Variants in ARHGAP26 observed in about 807,000 individuals in gnomAD.
The protein encoded by ARHGAP26 is rho GTPase-activating protein 26.
In ARHGAP26, 38 loss-of-function variants were observed where a neutral mutation model predicts 104.8. The ratio of observed to expected loss-of-function variants is 0.36; its 90% CI spans 0.28 to 0.48. ARHGAP26 has a LOEUF of 0.48. ARHGAP26 is among the 20% of genes least tolerant of loss of function. The pLI is 0.99. For missense variants in ARHGAP26, 704 were observed against 947.9 expected (o/e 0.74, Z 3.38); for synonymous variants, 341 against 340.0 (o/e 1.00, Z -0.03).
At chr5:143,039,507 T>C (rs1023517030) in intron 13 of ARHGAP26, among the ~76,000 whole-genome samples, 6 of 150,600 alleles carry the variant, frequency 4.0e-5, no homozygotes, top group Non-Finnish European at 7.4e-5. Flanking sequence ...GTGCACGGTC[T>C]AACTTTCAAC....
chr5:143,184,965 G>A (rs1804922885), intron 20 of ARHGAP26, among the ~76,000 whole-genome samples: 1 of 152,160 alleles, frequency 6.6e-6, no homozygotes, highest in African/African-American at 2.4e-5. Flanking sequence ...TTTATCAGAA[G>A]GAATTAATGA....
intron 14 of ARHGAP26, 89 bp downstream of exon 14, chr5:143,041,979 T>A: frequency 8.7e-7 from 1 of 1,148,944 alleles, no homozygotes; most frequent in Non-Finnish European, 1.3e-6. Flanking sequence ...ATACAGCCTG[T>A]GGCAAAGGAA....
At chr5:142,954,472 T>G (rs1328896248) in intron 11 of ARHGAP26, among the ~76,000 whole-genome samples, 1 of 152,238 alleles carries the variant, frequency 6.6e-6, no homozygotes, top group Non-Finnish European at 1.5e-5. Flanking sequence ...TCAACTCTTC[T>G]GGAGTCATTC....
chr5:143,170,857 C>T (rs1274120656), intron 20 of ARHGAP26, among the ~76,000 whole-genome samples: 1 of 152,064 alleles, frequency 6.6e-6, no homozygotes, highest in East Asian at 1.9e-4. Flanking sequence ...GGGAAAGAGA[C>T]TGAAGCAGCC....
chr5:143,115,174 A>C (rs1019037016), intron 17 of ARHGAP26, among the ~76,000 whole-genome samples: 3 of 152,010 alleles, frequency 2.0e-5, no homozygotes, highest in Non-Finnish European at 2.9e-5. Flanking sequence ...CTCTGCTAAA[A>C]ATACAAAAGT....
At chr5:142,959,306 C>T (rs1004451428) in intron 11 of ARHGAP26, among the ~76,000 whole-genome samples, 2 of 152,196 alleles carry the variant, frequency 1.3e-5, no homozygotes, top group East Asian at 1.9e-4. Context: ...TAACCAGCCA[C>T]CACAAAATGA....
chr5:143,029,609 A>G (rs776041385), intron 12 of ARHGAP26, among the ~76,000 whole-genome samples: 13 of 151,538 alleles, frequency 8.6e-5, no homozygotes, highest in Non-Finnish European at 1.8e-4. Flanking sequence ...AGGTTTCACC[A>G]TGTTGCCCAG....
chr5:143,091,073 G>C (rs1244953374), intron 17 of ARHGAP26, among the ~76,000 whole-genome samples: 1 of 152,226 alleles, frequency 6.6e-6, no homozygotes, highest in African/African-American at 2.4e-5. Context: ...AAAGAAAAAA[G>C]AGTAATAGAA....
intron 17 of ARHGAP26, among the ~76,000 whole-genome samples, chr5:143,066,872 A>G (rs1168991519): frequency 6.6e-6 from 1 of 152,320 alleles, no homozygotes. Flanking sequence ...AGAGCTGTTC[A>G]TATCTGGTTT....
At chr5:142,804,976 G>A (rs1485364376) in intron 1 of ARHGAP26, among the ~76,000 whole-genome samples, 1 of 152,042 alleles carries the variant, frequency 6.6e-6, no homozygotes, top group Non-Finnish European at 1.5e-5. Flanking sequence ...CTTTCACTTA[G>A]CATAATGTTT....
At chr5:143,155,646 G>A (rs2151028184) in intron 20 of ARHGAP26, among the ~76,000 whole-genome samples, 1 of 152,326 alleles carries the variant, frequency 6.6e-6, no homozygotes, top group East Asian at 1.9e-4. Context: ...AGGGGGTATG[G>A]GAGGAGGTAA....
At chr5:142,879,499 A>C in intron 4 of ARHGAP26, 54 bp downstream of exon 4, 2 of 1,451,930 alleles carry the variant, frequency 1.4e-6, no homozygotes, top group Non-Finnish European at 1.9e-6. Flanking sequence ...TCTGGAAAAC[A>C]TAGCACCTTT....
At chr5:143,141,930 G>A in intron 19 of ARHGAP26, among the ~76,000 whole-genome samples, 1 of 152,092 alleles carries the variant, frequency 6.6e-6, no homozygotes, top group East Asian at 1.9e-4. Flanking sequence ...CACCCACAGT[G>A]ACTTCCCCAT....
At chr5:142,815,633 A>C (rs1483374165) in intron 1 of ARHGAP26, among the ~76,000 whole-genome samples, 1 of 152,174 alleles carries the variant, frequency 6.6e-6, no homozygotes, top group Non-Finnish European at 1.5e-5. Context: ...TGCAGTCTCC[A>C]ACCACACTGG....
chr5:143,180,359 C>T (rs1249991869), intron 20 of ARHGAP26, among the ~76,000 whole-genome samples: 3 of 151,984 alleles, frequency 2.0e-5, no homozygotes, highest in Admixed American at 6.6e-5. Context: ...CTCTTGACCT[C>T]GTGATCTGCC....
chr5:142,984,882 G>A (rs553852429), intron 11 of ARHGAP26, among the ~76,000 whole-genome samples: 51 of 152,018 alleles, frequency 3.4e-4, no homozygotes, highest in Non-Finnish European at 6.5e-4. Context: ...ACTACAGTCT[G>A]CTTTTTATTG....
chr5:143,102,664 G>A (rs145966339), intron 17 of ARHGAP26, among the ~76,000 whole-genome samples: 2 of 152,350 alleles, frequency 1.3e-5, no homozygotes, highest in East Asian at 3.9e-4. Context: ...CACAGCTCAT[G>A]AAATACCAGA....
rs1211638930 is a variant in ARHGAP26 at position 143,207,461 on chromosome 5, A to G, written c.2099+153A>G. 3 of 1,613,952 alleles carry G rather than the reference A, an allele frequency of 1.9e-6. No homozygotes were observed. Among genetic ancestry groups the G allele is most frequent in the South Asian group, 1.1e-5 (1 of 91,080 alleles). On this transcript the variant is annotated intron_variant, in intron 21 of 22. Transcript: ENST00000645722. ...TTTGACAGGCCAGAAGAAGCGGTAC[A>G]TGAAGACTCCAGGTAAAATCTCGGA... is the stretch of plus-strand genomic sequence containing the variant.
chr5:143,012,552 C>CGTATATATATATAT (rs1554195630), intron 11 of ARHGAP26, among the ~76,000 whole-genome samples: 1 of 20,846 alleles, frequency 4.8e-5, no homozygotes, highest in Admixed American at 7.9e-4. Context: ...TACATACATA[C>CGTATATATATATAT]ATATATATAT....
Sources: gnomAD v4.1 joint callset for allele counts (sites outside exome capture counted in the v4.1 genomes callset) on GRCh38, gnomAD v4.1.1 for gene constraint, MANE v1.5 for transcripts, NCBI Gene and HGNC (gene_info 2026-07-23, HGNC 2026-07-21) for gene names.